Variants in ESRRG observed in about 807,000 individuals in gnomAD.
ESRRG encodes estrogen related receptor gamma.
In ESRRG, 13 loss-of-function variants were observed where a neutral mutation model predicts 44.0. The observed-to-expected ratio is 0.30, with a 90% CI of 0.19 to 0.47. The LOEUF (loss-of-function observed/expected upper bound fraction) is 0.47. ESRRG is among the 20% of genes least tolerant of loss of function. The pLI is 1.00. For synonymous variants in ESRRG, 215 were observed against 214.6 expected (o/e 1.00, Z -0.02); for missense variants, 395 against 580.6 (o/e 0.68, Z 3.29).
At chr1:216,710,197 G>A (rs190898554) in intron 1 of ESRRG, among the ~76,000 whole-genome samples, 20 of 152,204 alleles carry the variant, frequency 1.3e-4, no homozygotes, top group African/African-American at 4.3e-4. Context: ...TACACACTTC[G>A]GTTCAGTGTT....
At chr1:216,699,772 T>C (rs1343241345) in intron 1 of ESRRG, among the ~76,000 whole-genome samples, 1 of 152,172 alleles carries the variant, frequency 6.6e-6, no homozygotes, top group African/African-American at 2.4e-5. Context: ...ATTTACAAAT[T>C]ACCTCTTGCT....
At chr1:216,584,667 C>T (rs2063431550) in intron 3 of ESRRG, among the ~76,000 whole-genome samples, 1 of 152,122 alleles carries the variant, frequency 6.6e-6, no homozygotes, top group South Asian at 2.1e-4. Flanking sequence ...AATTTCCCAG[C>T]AATAATAAGA....
At position 217,027,663 on chromosome 1, in the gene ESRRG, C is replaced by T. The variant is rs565903159; in HGVS notation, c.-106+61844G>A. ...TATGTGAAAAGAAAAAGTTTCACTCCCAGCAATCATCAGCCTACCATGCAA... is the reference window on the plus strand; with the variant it reads ...TATGTGAAAAGAAAAAGTTTCACTCTCAGCAATCATCAGCCTACCATGCAA... On this transcript the variant is annotated intron_variant, in intron 1 of 7. Transcript: ENST00000359162. Among the ~76,000 whole-genome samples, 16 of 152,162 alleles carry T rather than the reference C, an allele frequency of 1.1e-4. 1 individual carries two copies. The South Asian group carries it at 3.1e-3, about 30-fold the overall frequency.
chr1:217,116,090 G>GT (rs1251088465), intron 1 of ESRRG, among the ~76,000 whole-genome samples: 6 of 152,264 alleles, frequency 3.9e-5, no homozygotes, highest in Admixed American at 3.9e-4. Context: ...ATTAGTGTGT[G>GT]TTTTTTCCCA....
intron 1 of ESRRG, among the ~76,000 whole-genome samples, chr1:216,685,644 G>A (rs143111262): frequency 7.5e-4 from 114 of 152,262 alleles, no homozygotes; most frequent in African/African-American, 2.7e-3. Context: ...ACTCACAGAC[G>A]CTCCAGTGAT....
chr1:216,521,777 C>T (rs536951339), intron 5 of ESRRG, among the ~76,000 whole-genome samples: 5 of 152,206 alleles, frequency 3.3e-5, no homozygotes, highest in South Asian at 2.1e-4. Context: ...AGCACTTTTA[C>T]GGTTGTCAGG....
At chr1:217,004,179 C>T (rs1436853719) in intron 1 of ESRRG, among the ~76,000 whole-genome samples, 6 of 152,102 alleles carry the variant, frequency 3.9e-5, no homozygotes, top group African/African-American at 1.2e-4. Flanking sequence ...TTTTACTTAT[C>T]CTGCCTGTTT....
chr1:216,764,178 CT>C (rs5780920), intron 2 of ESRRG, among the ~76,000 whole-genome samples: 24 of 150,118 alleles, frequency 1.6e-4, no homozygotes, highest in Non-Finnish European at 1.3e-4. Flanking sequence ...CTAATTGATT[CT>C]TTTTTTTTCT....
intron 2 of ESRRG, among the ~76,000 whole-genome samples, chr1:216,734,134 T>C (rs1294274957): frequency 6.6e-6 from 1 of 152,150 alleles, no homozygotes; most frequent in African/African-American, 2.4e-5. Flanking sequence ...TCAAGGTAGA[T>C]TGTCCTTATG....
intron 2 of ESRRG, among the ~76,000 whole-genome samples, chr1:216,898,102 A>T (rs1311494553): frequency 6.6e-6 from 1 of 152,172 alleles, no homozygotes; most frequent in Non-Finnish European, 1.5e-5. Context: ...GACCGTTGAG[A>T]AGTGCAGGGG....
At chr1:217,108,998 A>T (rs2092631361) in intron 1 of ESRRG, among the ~76,000 whole-genome samples, 1 of 152,178 alleles carries the variant, frequency 6.6e-6, no homozygotes, top group Non-Finnish European at 1.5e-5. Context: ...AATCATTACA[A>T]CAACATCTTT....
intron 1 of ESRRG, among the ~76,000 whole-genome samples, chr1:216,999,853 C>A (rs954415138): frequency 1.3e-5 from 2 of 152,184 alleles, no homozygotes; most frequent in Non-Finnish European, 2.9e-5. Context: ...ACCACTCAAC[C>A]CTTGCATCTT....
intron 2 of ESRRG, among the ~76,000 whole-genome samples, chr1:216,917,590 A>C (rs2149678505): frequency 6.6e-6 from 1 of 152,278 alleles, no homozygotes; most frequent in South Asian, 2.1e-4. Flanking sequence ...AATTTGTAAC[A>C]CCCAGAAATT....
chr1:217,116,081 T>C (rs2092722800), intron 1 of ESRRG, among the ~76,000 whole-genome samples: 1 of 152,214 alleles, frequency 6.6e-6, no homozygotes, highest in Admixed American at 6.5e-5. Context: ...AAAAGATTTA[T>C]TAGTGTGTGT....
chr1:216,894,670 T>C (rs372871952), intron 2 of ESRRG, among the ~76,000 whole-genome samples: 1 of 152,052 alleles, frequency 6.6e-6, no homozygotes, highest in East Asian at 1.9e-4. Flanking sequence ...AGAGGCAGTA[T>C]GGGGAGGGAG....
chr1:216,860,254 ACT>A (rs2096026633), intron 2 of ESRRG, among the ~76,000 whole-genome samples: 2 of 152,138 alleles, frequency 1.3e-5, no homozygotes, highest in Admixed American at 1.3e-4. Context: ...ACAGAGCGAG[ACT>A]CTGTCAAAAC....
intron 1 of ESRRG, among the ~76,000 whole-genome samples, chr1:216,721,802 A>G (rs2152069658): frequency 6.6e-6 from 1 of 152,344 alleles, no homozygotes; most frequent in South Asian, 2.1e-4. Flanking sequence ...ACTAACCTTC[A>G]AACTACACTT....
intron 1 of ESRRG, among the ~76,000 whole-genome samples, chr1:217,050,826 T>A (rs1475191422): frequency 6.6e-6 from 1 of 152,118 alleles, no homozygotes; most frequent in Non-Finnish European, 1.5e-5. Flanking sequence ...CAGCTCACTG[T>A]GTTACCTGGG....
intron 1 of ESRRG, among the ~76,000 whole-genome samples, chr1:216,971,719 G>C (rs1054473752): frequency 2.6e-5 from 4 of 152,114 alleles, no homozygotes; most frequent in African/African-American, 9.7e-5. Flanking sequence ...ATCTGAAAAC[G>C]AACAATGAGA....
Sources: gnomAD v4.1 joint callset for allele counts (sites outside exome capture counted in the v4.1 genomes callset) on GRCh38, gnomAD v4.1.1 for gene constraint, MANE v1.5 for transcripts, NCBI Gene and HGNC (gene_info 2026-07-23, HGNC 2026-07-21) for gene names.